The following DNAJC8 variants were observed in gnomAD, a reference collection of about 807,000 sequenced individuals.
DNAJC8 encodes dnaJ homolog subfamily C member 8.
DNAJC8 carries 24 observed loss-of-function variants against 43.2 expected under a neutral mutation model. The ratio of observed to expected loss-of-function variants is 0.56; its 90% CI spans 0.40 to 0.78. The LOEUF (loss-of-function observed/expected upper bound fraction) is 0.78, where lower values mean the gene tolerates loss of function less well. Ranked by LOEUF, DNAJC8 falls within the 30% of genes least tolerant of loss-of-function variation. The pLI is 0.00. For missense variants in DNAJC8, 207 were observed against 299.4 expected (o/e 0.69, Z 2.28); for synonymous variants, 83 against 98.0 (o/e 0.85, Z 0.90).
At chr1:28,210,217 C>T in intron 4 of DNAJC8, 151 bp from the exon 5 acceptor site, 2 of 681,078 alleles carry the variant, frequency 2.9e-6, no homozygotes, top group South Asian at 3.8e-5. Flanking sequence ...AAACATTCAA[C>T]TATAGCAATG....
chr1:28,232,427 C>T (rs1028398085), intron 1 of DNAJC8, among the ~76,000 whole-genome samples: 1 of 152,218 alleles, frequency 6.6e-6, no homozygotes, highest in South Asian at 2.1e-4. Flanking sequence ...TACTGTAAGG[C>T]CCCAAACTAT....
At chr1:28,222,485 C>CAAAAAAAAA in intron 2 of DNAJC8, among the ~76,000 whole-genome samples, 1 of 44,678 alleles carries the variant, frequency 2.2e-5, no homozygotes, top group African/African-American at 8.3e-5. Context: ...GACTCCATCT[C>CAAAAAAAAA]AAAAAAAAAA....
At chr1:28,224,830 A>G (rs1646922850) in intron 2 of DNAJC8, among the ~76,000 whole-genome samples, 1 of 151,966 alleles carries the variant, frequency 6.6e-6, no homozygotes, top group African/African-American at 2.4e-5. Flanking sequence ...GTTGCAGTGA[A>G]CCGATATTGC....
intron 1 of DNAJC8, among the ~76,000 whole-genome samples, chr1:28,232,162 G>A (rs535458652): frequency 6.6e-6 from 1 of 152,156 alleles, no homozygotes; most frequent in African/African-American, 2.4e-5. Flanking sequence ...GCAGCCTCGA[G>A]CTTTTGGGTT....
At position 28,209,916 on chromosome 1, in the gene DNAJC8, G is replaced by A. The variant is rs1025075836; in HGVS notation, c.399+56C>T. 73 of 1,511,094 alleles carry A rather than the reference G, an allele frequency of 4.8e-5. No homozygotes were observed. In the Admixed American group the frequency reaches 1.2e-3, roughly 25 times the overall value. The allele number at this position is 1,511,094 out of a possible 1,614,324, so 93.6% of individuals were successfully genotyped here. ...TATGTTCATATGTACCCTTCTACAAGGTGCCCAAGGCTTGCTGATACTTCC... is the reference window on the plus strand; with the variant it reads ...TATGTTCATATGTACCCTTCTACAAAGTGCCCAAGGCTTGCTGATACTTCC... On this transcript the variant is annotated intron_variant, in intron 5 of 8. Transcript: ENST00000263697.
At position 28,205,356 on chromosome 1, in the gene DNAJC8, G is replaced by A. The variant is rs1646761777; in HGVS notation, c.472-7C>T. The A allele has an allele frequency of 1.9e-6, 3 of 1,592,126 alleles. No homozygotes were observed. The South Asian group carries it at 3.4e-5, about 18-fold the overall frequency. The stretch of plus-strand genomic sequence containing the variant: ...TATATACAGCTTGTTTGAACTACAG[G>A]AAAATCAAGAACAAAAGAAAATCAG... On this transcript the variant is annotated splice_region_variant and splice_polypyrimidine_tract_variant and intron_variant, in intron 6 of 8. Coordinates refer to ENST00000263697, the MANE Select transcript of DNAJC8 (RefSeq NM_014280.3).
Position 28,225,408 on chromosome 1 carries a change from CAG to C in DNAJC8, c.180+3512_180+3513del, listed in dbSNP as rs200784466. On this transcript the variant is annotated intron_variant, in intron 2 of 8. Coordinates refer to ENST00000263697, the MANE Select transcript of DNAJC8 (RefSeq NM_014280.3). ...TCTTGAAAAATTACTCTTCAAAAAA[CAG>C]AAAACAGATGAACCTTGAAAATATC... 6.6e-5 allele frequency among the ~76,000 whole-genome samples: 10 copies of C among 151,388 alleles called. 1 individual carries two copies. The East Asian group carries it at 1.9e-3, about 29-fold the overall frequency.
chr1:28,232,856 G>C, intron 1 of DNAJC8, 65 bp downstream of exon 1: 1 of 1,565,916 alleles, frequency 6.4e-7, no homozygotes, highest in Admixed American at 1.7e-5. Flanking sequence ...CACTGCCTTT[G>C]TCCACTGGGA....
At position 28,210,986 on chromosome 1, in the gene DNAJC8, A is replaced by G. The variant is rs373174839; in HGVS notation, c.238-349T>C. On this transcript the variant is annotated intron_variant, in intron 3 of 8. Coordinates refer to ENST00000263697, the MANE Select transcript of DNAJC8 (RefSeq NM_014280.3). ...GGACTTCGAGACCAGCCTGAGCAAC[A>G]TAGCAAGACCCTGTCTCTACAAAAA... 1.7e-4 allele frequency among the ~76,000 whole-genome samples: 26 copies of G among 152,262 alleles called. No homozygotes were observed. In the East Asian group the frequency reaches 1.9e-3, roughly 11 times the overall value.
intron 8 of DNAJC8, among the ~76,000 whole-genome samples, chr1:28,203,203 T>C (rs1033323155): frequency 1.3e-5 from 2 of 152,156 alleles, no homozygotes; most frequent in African/African-American, 4.8e-5. Context: ...CCCCTAACCA[T>C]GAGTCCTAAA....
chr1:28,227,043 G>T (rs1646939957), intron 2 of DNAJC8, among the ~76,000 whole-genome samples: 1 of 120,760 alleles, frequency 8.3e-6, no homozygotes, highest in Admixed American at 9.2e-5. Flanking sequence ...GATTAAAGAT[G>T]TTAACAGATT....
chr1:28,226,565 A>C (rs1049518645), intron 2 of DNAJC8, among the ~76,000 whole-genome samples: 1 of 151,290 alleles, frequency 6.6e-6, no homozygotes, highest in Non-Finnish European at 1.5e-5. Context: ...TGATTAAATA[A>C]ATTATATGGA....
intron 3 of DNAJC8, among the ~76,000 whole-genome samples, chr1:28,213,978 T>C (rs1044493413): frequency 1.3e-5 from 2 of 152,036 alleles, no homozygotes; most frequent in Non-Finnish European, 2.9e-5. Context: ...ATCACACCAC[T>C]GTACTCCAGC....
chr1:28,202,039 A>G (rs142953415), intron 8 of DNAJC8, among the ~76,000 whole-genome samples: 3,391 of 151,512 alleles, frequency 0.022, 140 homozygotes, highest in African/African-American at 0.077. Context: ...GCAGTGAGCC[A>G]AGATCACGCC....
At chr1:28,210,122 C>T in intron 4 of DNAJC8, 56 bp from the exon 5 acceptor site, 1 of 1,488,314 alleles carries the variant, frequency 6.7e-7, no homozygotes, top group African/African-American at 1.4e-5. Context: ...AAAGTCTGAA[C>T]TATACTCAGG....
intron 8 of DNAJC8, among the ~76,000 whole-genome samples, chr1:28,202,142 T>A (rs1646738265): frequency 6.6e-6 from 1 of 152,054 alleles, no homozygotes; most frequent in African/African-American, 2.4e-5. Flanking sequence ...CCCAAGAAAG[T>A]GTCATAGCAC....
In DNAJC8 at chr1:28,210,564, C is replaced by T; in HGVS notation, c.304+7G>A. 6.2e-7 allele frequency: 1 copy of T among 1,613,114 alleles called. No homozygotes were observed. The highest frequency in any genetic ancestry group is 8.5e-7 in the Non-Finnish European group (1 of 1,179,242). ...TAATACTCAGAAGCAGGTAAATTTA[C>T]AAATACCTTCAAAAGCCTTTTGTGC... On this transcript the variant is annotated splice_region_variant and intron_variant, in intron 4 of 8. Transcript: ENST00000263697.
chr1:28,212,315 T>C (rs1270473348), intron 3 of DNAJC8, among the ~76,000 whole-genome samples: 2 of 137,980 alleles, frequency 1.4e-5, no homozygotes, highest in African/African-American at 5.3e-5. Flanking sequence ...TGCTCTATCA[T>C]CCAGGCTGGA....
At chr1:28,213,934 T>C (rs935827810) in intron 3 of DNAJC8, among the ~76,000 whole-genome samples, 7 of 152,018 alleles carry the variant, frequency 4.6e-5, no homozygotes, top group African/African-American at 1.7e-4. Flanking sequence ...GAGGATTGCT[T>C]AAACTCAGGA....
Sources: allele counts gnomAD v4.1 joint callset (sites outside exome capture counted in the v4.1 genomes callset), GRCh38; gene constraint gnomAD v4.1.1; transcripts MANE v1.5; gene names NCBI Gene and HGNC (gene_info 2026-07-23, HGNC 2026-07-21).